The following ABCD2 variants were observed in gnomAD, a reference collection of about 807,000 sequenced individuals.
ABCD2 encodes the protein ATP binding cassette subfamily D member 2.
A neutral mutation model predicts 70.9 loss-of-function variants in ABCD2; 36 were observed. The ratio of observed to expected loss-of-function variants is 0.51; its 90% CI spans 0.39 to 0.67. ABCD2 has a LOEUF of 0.67. ABCD2 is among the 30% of genes least tolerant of loss of function. The pLI is 0.00. For missense variants in ABCD2, 729 were observed against 890.2 expected, an observed-to-expected ratio of 0.82 and a Z score of 2.30; for synonymous variants, 304 against 306.9, an observed-to-expected ratio of 0.99 and a Z score of 0.10.
chr12:39,561,120 G>A (rs1430659626), intron 9 of ABCD2, among the ~76,000 whole-genome samples: 1 of 152,060 alleles, frequency 6.6e-6, no homozygotes, highest in African/African-American at 2.4e-5. Flanking sequence ...TCTGGGCCAG[G>A]TGCAGTGGCT....
the ABCD2 span, among the ~76,000 whole-genome samples, chr12:39,536,501 A>C: frequency 6.6e-6 from 1 of 152,244 alleles, no homozygotes; most frequent in Non-Finnish European, 1.5e-5. Flanking sequence ...TGGCAAAATT[A>C]AGCTAACACT....
the ABCD2 span, among the ~76,000 whole-genome samples, chr12:39,531,733 T>C: frequency 6.6e-6 from 1 of 152,254 alleles, no homozygotes; most frequent in Non-Finnish European, 1.5e-5. Flanking sequence ...TCATGCTTTT[T>C]TGTGAGGGGC....
intron 7 of ABCD2, among the ~76,000 whole-genome samples, chr12:39,585,413 G>T (rs1213317904): frequency 6.6e-6 from 1 of 152,050 alleles, no homozygotes; most frequent in African/African-American, 2.4e-5. Flanking sequence ...AAGGAGCTTT[G>T]AGCTGAGACT....
downstream of ABCD2, among the ~76,000 whole-genome samples, chr12:39,548,383 G>C (rs1331472447): frequency 6.6e-6 from 1 of 151,986 alleles, no homozygotes; most frequent in East Asian, 1.9e-4. Context: ...ATCTGTAGCT[G>C]CTTGGATCTA....
At chr12:39,563,483 T>C (rs924776505) in intron 9 of ABCD2, among the ~76,000 whole-genome samples, 2 of 152,058 alleles carry the variant, frequency 1.3e-5, no homozygotes, top group Admixed American at 6.6e-5. Context: ...TTACATTCAG[T>C]GTACTACTGA....
At chr12:39,534,764 A>G in the ABCD2 span, among the ~76,000 whole-genome samples, 48 of 14,370 alleles carry the variant, frequency 3.3e-3, no homozygotes, top group African/African-American at 6.1e-3. Flanking sequence ...AAGAAAGAGA[A>G]AGAAAGAAAG....
chr12:39,592,163 C>G (rs1224397704), intron 6 of ABCD2, among the ~76,000 whole-genome samples: 1 of 152,166 alleles, frequency 6.6e-6, no homozygotes, highest in Non-Finnish European at 1.5e-5. Flanking sequence ...ACAAAGATTA[C>G]TTGGCTGTAA....
intron 6 of ABCD2, among the ~76,000 whole-genome samples, chr12:39,587,082 T>C (rs1207383734): frequency 1.3e-5 from 2 of 152,174 alleles, no homozygotes; most frequent in Non-Finnish European, 2.9e-5. Flanking sequence ...TCTGAAAATA[T>C]ACTTCTAAAA....
chr12:39,606,107 T>C (rs966671679), intron 3 of ABCD2, among the ~76,000 whole-genome samples: 1 of 152,100 alleles, frequency 6.6e-6, no homozygotes, highest in African/African-American at 2.4e-5. Flanking sequence ...ATATAAATAT[T>C]TGGGTAGAAA....
At chr12:39,538,361 G>A in the ABCD2 span, among the ~76,000 whole-genome samples, 1 of 151,856 alleles carries the variant, frequency 6.6e-6, no homozygotes, top group Non-Finnish European at 1.5e-5. Context: ...TTTTAGTAGA[G>A]ATGGGGTTTC....
chr12:39,618,627 G>A, intron 1 of ABCD2, 50 bp downstream of exon 1: 2 of 1,531,458 alleles, frequency 1.3e-6, no homozygotes, highest in East Asian at 2.2e-5. Context: ...CACTGCAGTG[G>A]CAACTTGAAC....
At position 39,608,793 on chromosome 12, in the gene ABCD2, A is replaced by C. The variant is rs923363625; in HGVS notation, c.1121-1079T>G. On this transcript the variant is annotated intron_variant, in intron 2 of 9. Coordinates refer to ENST00000308666, the MANE Select transcript of ABCD2 (RefSeq NM_005164.4). ...TAATTAAATATTAATACTACTAATA[A>C]ACAAACATTTATGGTGTGGTTTCTT... Among the ~76,000 whole-genome samples, 73 of 152,170 alleles carry C rather than the reference A, an allele frequency of 4.8e-4. 2 individuals are homozygous for C. Among genetic ancestry groups the C allele is most frequent in the Non-Finnish European group, 2.9e-5 (2 of 68,016 alleles).
At chr12:39,599,912 G>A (rs1031892104) in intron 6 of ABCD2, among the ~76,000 whole-genome samples, 2 of 152,128 alleles carry the variant, frequency 1.3e-5, no homozygotes, top group East Asian at 3.8e-4. Context: ...ATTAACATGA[G>A]GAAGTTCTTC....
intron 9 of ABCD2, among the ~76,000 whole-genome samples, chr12:39,571,057 T>G (rs1941440989): frequency 6.6e-6 from 1 of 152,124 alleles, no homozygotes; most frequent in Non-Finnish European, 1.5e-5. Flanking sequence ...GAATGGCTAT[T>G]AAGAAAATGA....
intron 5 of ABCD2, among the ~76,000 whole-genome samples, chr12:39,603,577 T>A (rs1001435050): frequency 1.3e-5 from 2 of 152,070 alleles, no homozygotes; most frequent in African/African-American, 4.8e-5. Context: ...TATATTACAG[T>A]ATTGGCTTTT....
intron 6 of ABCD2, among the ~76,000 whole-genome samples, chr12:39,589,418 G>T (rs1468839218): frequency 2.3e-5 from 3 of 131,490 alleles, no homozygotes; most frequent in Admixed American, 8.4e-5. Flanking sequence ...ACGGAGTCTC[G>T]CTTTGTCGCC....
chr12:39,579,427 A>T, intron 8 of ABCD2, 108 bp downstream of exon 8: 1 of 722,372 alleles, frequency 1.4e-6, no homozygotes, highest in Non-Finnish European at 2.3e-6. Context: ...AGATATTTTT[A>T]AGCTACAGAT....
intron 1 of ABCD2, among the ~76,000 whole-genome samples, chr12:39,617,494 A>T (rs1203990568): frequency 6.6e-6 from 1 of 152,122 alleles, no homozygotes; most frequent in East Asian, 1.9e-4. Flanking sequence ...TACACCAAAA[A>T]TATCTGAAAA....
At chr12:39,572,672 CT>C (rs1026084897) in intron 9 of ABCD2, among the ~76,000 whole-genome samples, 1 of 152,084 alleles carries the variant, frequency 6.6e-6, no homozygotes, top group Non-Finnish European at 1.5e-5. Context: ...TCTAGAAGGG[CT>C]TCAAGGATTA....
Sources: allele counts gnomAD v4.1 joint callset (sites outside exome capture counted in the v4.1 genomes callset), GRCh38; gene constraint gnomAD v4.1.1; transcripts MANE v1.5; gene names NCBI Gene and HGNC (gene_info 2026-07-23, HGNC 2026-07-21).